The following TM4SF1 variants were observed in gnomAD, a reference collection of about 807,000 sequenced individuals.
TM4SF1 encodes transmembrane 4 L6 family member 1.
A neutral mutation model predicts 24.5 loss-of-function variants in TM4SF1; 20 were observed. The observed-to-expected ratio is 0.82, with a 90% CI of 0.57 to 1.19. The LOEUF (loss-of-function observed/expected upper bound fraction) is 1.19. Among genes scored for constraint, TM4SF1 ranks in the 50% most tolerant of loss-of-function variants. TM4SF1 has a pLI of 0.00. For synonymous variants in TM4SF1, 107 were observed against 95.4 expected, an observed-to-expected ratio of 1.12 and a Z score of -0.71; for missense variants, 258 against 248.1, an observed-to-expected ratio of 1.04 and a Z score of -0.27.
intron 3 of TM4SF1, 100 bp downstream of exon 3, chr3:149,375,343 G>T (rs1332418851): frequency 2.1e-6 from 3 of 1,447,114 alleles, no homozygotes; most frequent in Non-Finnish European, 2.8e-6. Context: ...CTAGGTGGGT[G>T]GATGGATGGA....
chr3:149,370,141 A>G, intron 4 of TM4SF1: 1 of 360,892 alleles, frequency 2.8e-6, no homozygotes, highest in Admixed American at 5.0e-5. Context: ...CTTTGAGTGC[A>G]TTTGTGTGGG....
intron 1 of TM4SF1, among the ~76,000 whole-genome samples, chr3:149,376,845 A>G (rs1731965790): frequency 6.6e-6 from 1 of 152,220 alleles, no homozygotes; most frequent in South Asian, 2.1e-4. Context: ...ACCTGCTGCT[A>G]ACTGTAGGGT....
chr3:149,373,025 A>G (rs4535168), intron 3 of TM4SF1, among the ~76,000 whole-genome samples: 135,843 of 152,184 alleles, frequency 0.89, 60,883 homozygotes, highest in African/African-American at 0.96. Flanking sequence ...GGTAAACAAA[A>G]TATGGAAGAG....
intron 3 of TM4SF1, among the ~76,000 whole-genome samples, chr3:149,373,394 A>G (rs1327450887): frequency 6.6e-6 from 1 of 152,210 alleles, no homozygotes; most frequent in Non-Finnish European, 1.5e-5. Context: ...TGGATTCTTA[A>G]CAAAATATAA....
Position 149,375,711 on chromosome 3 carries a change from C to T in TM4SF1, c.236G>A (p.Cys79Tyr). Residue 79 changes from cysteine to tyrosine, a missense_variant, in exon 2 of 5, where the codon TGT (cysteine) becomes TAT (tyrosine). By Grantham distance (194) the Cys-to-Tyr change is radical (BLOSUM62 -2). Transcript: ENST00000305366. Reference sequence around the variant, plus strand: ...TCGTTTGCCACAGTTTTCATGGCCACAGCAGCCACAGCAGTCATCCTGTTC... The same window carrying T: ...TCGTTTGCCACAGTTTTCATGGCCATAGCAGCCACAGCAGTCATCCTGTTC... ...GLEQDDCCGCCGHENCGKRCA... is the reference protein window; with the variant it reads ...GLEQDDCCGCYGHENCGKRCA... 6.2e-7 allele frequency: 1 copy of T among 1,614,214 alleles called. No homozygotes were observed. Among genetic ancestry groups the T allele is most frequent in the South Asian group, 1.1e-5 (1 of 91,086 alleles).
chr3:149,370,626 T>C (rs1217125373), intron 4 of TM4SF1: 2 of 152,194 alleles, frequency 1.3e-5, no homozygotes, highest in East Asian at 1.9e-4. Flanking sequence ...AAGCTCCATA[T>C]TGAAGGTTTC....
rs747190545 is a variant in TM4SF1 at position 149,377,543 on chromosome 3, C to T, written c.5G>A (p.Cys2Tyr). ...GATGCATCGTGCACACTTCCCATAG[C>T]ACATGGTGGTCTGCTAGGTTTTCTC... Reference protein sequence around the residue: MCYGKCARCIGH... With the variant: MYYGKCARCIGH... Residue 2 changes from cysteine to tyrosine, a missense_variant, in exon 1 of 5, where the codon TGC becomes TAC. Transcript: ENST00000305366. The T allele has an allele frequency of 3.1e-6, 5 of 1,610,492 alleles. No individual in the cohort carries two copies. Among genetic ancestry groups the T allele is most frequent in the South Asian group, 2.2e-5 (2 of 90,592 alleles).
At chr3:149,377,097 T>C (rs578151591) in intron 1 of TM4SF1, among the ~76,000 whole-genome samples, 10 of 152,332 alleles carry the variant, frequency 6.6e-5, no homozygotes, top group African/African-American at 2.4e-4. Flanking sequence ...TCAAATCTGA[T>C]TTAAAAGCGA....
chr3:149,377,258 C>T (rs1731976868), intron 1 of TM4SF1, 113 bp downstream of exon 1: 1 of 1,370,722 alleles, frequency 7.3e-7, no homozygotes, highest in Non-Finnish European at 9.8e-7. Flanking sequence ...TGAACAGCAA[C>T]AAAAAAGTCA....
rs1731766634 is a variant in TM4SF1, at chr3:149,369,373, G to T, written c.*493C>A. On this transcript the variant is annotated 3_prime_UTR_variant, in exon 5 of 5. Coordinates refer to ENST00000305366, the MANE Select transcript of TM4SF1 (RefSeq NM_014220.3). ...TTTGTTTCTCACAGAACACAAGGCA[G>T]TTCAAAGGGCCTCTTGTTAGAGATT... 1.3e-5 allele frequency: 2 copies of T among 155,624 alleles called. No homozygotes were observed. The highest frequency in any genetic ancestry group is 6.5e-5 in the Admixed American group (1 of 15,394). 9.6% of individuals were successfully genotyped at this position (155,624 alleles called of 1,614,324 possible).
chr3:149,369,834 G>A lies in TM4SF1; in HGVS notation c.*32C>T. On this transcript the variant is annotated 3_prime_UTR_variant, in exon 5 of 5. Coordinates refer to ENST00000305366, the MANE Select transcript of TM4SF1 (RefSeq NM_014220.3). ...ATATATAAATTACAATGAAATAGAG[G>A]AAGATTGTGGCTCTGTCCTGGGTTG... 1 of 1,607,022 alleles carries A rather than the reference G, an allele frequency of 6.2e-7. No homozygotes were observed. The highest frequency in any genetic ancestry group is 1.3e-5 in the African/African-American group (1 of 74,584).
intron 4 of TM4SF1, 75 bp downstream of exon 4, chr3:149,371,612 C>A (rs773923206): frequency 2.6e-6 from 4 of 1,544,488 alleles, no homozygotes; most frequent in Non-Finnish European, 3.6e-6. Context: ...TTTGGTTTTG[C>A]CTTTTTCTTT....
intron 4 of TM4SF1, 95 bp downstream of exon 4, chr3:149,371,592 G>A (rs1328422662): frequency 3.2e-6 from 4 of 1,262,706 alleles, no homozygotes; most frequent in Admixed American, 1.7e-5. Flanking sequence ...ATGCTGGTAG[G>A]TCGAGCATGT....
chr3:149,373,909 C>T (rs1731891066), intron 3 of TM4SF1, among the ~76,000 whole-genome samples: 1 of 152,162 alleles, frequency 6.6e-6, no homozygotes, highest in Admixed American at 6.5e-5. Flanking sequence ...TCTGTTTGTG[C>T]AATAGTTTTG....
At chr3:149,374,224 A>T (rs1032141882) in intron 3 of TM4SF1, among the ~76,000 whole-genome samples, 1 of 152,208 alleles carries the variant, frequency 6.6e-6, no homozygotes, top group Non-Finnish European at 1.5e-5. Flanking sequence ...TGAGATGCAG[A>T]GAGCTCATTT....
At position 149,373,233 on chromosome 3, in the gene TM4SF1, T is replaced by C. The variant is rs1043248779; in HGVS notation, c.414-1366A>G. Among the ~76,000 whole-genome samples the C allele has an allele frequency of 2.0e-5, 3 of 152,230 alleles. No homozygotes were observed. In the South Asian group the frequency reaches 6.2e-4, roughly 31 times the overall value. ...ATGATAAATAACAATATGAAGTTGC[T>C]TTGTGAAATGTCAGCAAACCATACT... On this transcript the variant is annotated intron_variant, in intron 3 of 4. Coordinates refer to ENST00000305366, the MANE Select transcript of TM4SF1 (RefSeq NM_014220.3).
intron 4 of TM4SF1, chr3:149,371,450 A>G: frequency 1.7e-6 from 1 of 600,922 alleles, no homozygotes; most frequent in East Asian, 2.8e-5. Flanking sequence ...TATGGGCAGC[A>G]TGTTCTTGTG....
chr3:149,371,690 T>C lies in TM4SF1; in HGVS notation c.591A>G (p.Gln197=). The change falls in exon 4 of 5, where the codon CAA becomes CAG. Residue 197 remains glutamine (Q), a synonymous_variant. Coordinates refer to ENST00000305366, the MANE Select transcript of TM4SF1 (RefSeq NM_014220.3). ...ACATTTTCATGCAGGTTCTTACCTG[T>C]TGGTGAGAGCAGCAAAAGCCACATA... ...GGICGFCCSH[Q]QQYDC The C allele has an allele frequency of 6.2e-7, 1 of 1,614,004 alleles. No homozygotes were observed. The highest frequency in any genetic ancestry group is 8.5e-7 in the Non-Finnish European group (1 of 1,179,906).
Position 149,375,452 on chromosome 3 carries a change from G to T in TM4SF1, c.404C>A (p.Thr135Asn). ...GAGAGTAATTACATACTGGCCCTCA[G>T]TGCTGGCAAAGGTGTAGTTCCACTG... ...LGQWNYTFASTEGQYLLDTST... is the reference protein window; with the variant it reads ...LGQWNYTFASNEGQYLLDTST... Residue 135 changes from threonine to asparagine, a missense_variant, in exon 3 of 5, where the codon ACT becomes AAT. Thr to Asn is a moderately conservative substitution (Grantham distance 65, BLOSUM62 0). Transcript: ENST00000305366. The T allele has an allele frequency of 6.2e-7, 1 of 1,614,180 alleles. No individual in the cohort carries two copies.
Sources: allele counts gnomAD v4.1 joint callset (sites outside exome capture counted in the v4.1 genomes callset), GRCh38; gene constraint gnomAD v4.1.1; transcripts MANE v1.5; gene names NCBI Gene and HGNC (gene_info 2026-07-23, HGNC 2026-07-21).